Variants in USH1C observed in about 807,000 individuals in gnomAD.
USH1C encodes the protein harmonin.
USH1C carries 90 observed loss-of-function variants against 119.3 expected under a neutral mutation model. The observed-to-expected ratio is 0.75, with a 90% CI of 0.64 to 0.90. The LOEUF is 0.90. Among genes scored for constraint, USH1C ranks in the 40% least tolerant of loss-of-function variants. The probability of loss-of-function intolerance (pLI) is 0.00; values close to 1 mark genes in which losing one functional copy is unlikely to be tolerated. For missense variants in USH1C, 1,165 were observed against 1,167.7 expected (o/e 1.00, Z 0.03); for synonymous variants, 465 against 443.3 (o/e 1.05, Z -0.62).
At chr11:17,521,283 G>T in intron 13 of USH1C, 63 bp downstream of exon 13, 1 of 1,564,250 alleles carries the variant, frequency 6.4e-7, no homozygotes, top group Non-Finnish European at 8.8e-7. Context: ...GCCTCTGGTT[G>T]GCCACACTCC....
chr11:17,495,774 G>A (rs906664236), intron 25 of USH1C, 97 bp from the exon 26 acceptor site: 1 of 1,335,452 alleles, frequency 7.5e-7, no homozygotes, highest in African/African-American at 1.4e-5. Context: ...TCCTGCCTCG[G>A]GTTCTGCCTA....
intron 14 of USH1C, chr11:17,517,602 G>T (rs2133853939): frequency 2.2e-6 from 2 of 890,162 alleles, no homozygotes; most frequent in Admixed American, 2.0e-5. Flanking sequence ...GAGGTCAGGG[G>T]CAGGGGACAG....
chr11:17,516,438 T>G (rs1850147812), intron 14 of USH1C, 148 bp from the exon 15 acceptor site: 1 of 793,216 alleles, frequency 1.3e-6, no homozygotes, highest in Admixed American at 2.0e-5. Flanking sequence ...CTGCACCCTC[T>G]GTCCAACTCG....
chr11:17,540,566 G>A (rs10741729), intron 1 of USH1C, among the ~76,000 whole-genome samples: 59,281 of 151,638 alleles, frequency 0.39, 11,654 homozygotes, highest in East Asian at 0.55. Flanking sequence ...TCTAGCAGGC[G>A]TCTCAAACTT....
At chr11:17,502,071 G>T in intron 20 of USH1C, 91 bp from the exon 21 acceptor site, 1 of 1,400,198 alleles carries the variant, frequency 7.1e-7, no homozygotes, top group Non-Finnish European at 9.9e-7. Context: ...CGGAATCCAA[G>T]GGTCAGAAGT....
chr11:17,515,022 A>AT (rs969368512), intron 15 of USH1C, among the ~76,000 whole-genome samples: 4 of 150,666 alleles, frequency 2.7e-5, no homozygotes, highest in Admixed American at 2.0e-4. Context: ...CTCCTTTATT[A>AT]TTTTTTTCAA....
chr11:17,539,833 C>CTT (rs34881002), intron 1 of USH1C, among the ~76,000 whole-genome samples: 73 of 126,188 alleles, frequency 5.8e-4, no homozygotes, highest in Middle Eastern at 3.9e-3. Flanking sequence ...CTTTCTTTTT[C>CTT]TTTTTTTTTT....
At chr11:17,529,960 A>G (rs1450272248) in intron 4 of USH1C, among the ~76,000 whole-genome samples, 1 of 152,128 alleles carries the variant, frequency 6.6e-6, no homozygotes, top group Non-Finnish European at 1.5e-5. Context: ...GGCGCTCATT[A>G]TGTGTTTTCT....
intron 18 of USH1C, among the ~76,000 whole-genome samples, chr11:17,508,295 T>A (rs1849728147): frequency 6.6e-6 from 1 of 152,056 alleles, no homozygotes; most frequent in Admixed American, 6.6e-5. Context: ...CCTCTGAGAG[T>A]CTCCCGCTGG....
intron 18 of USH1C, among the ~76,000 whole-genome samples, chr11:17,508,400 G>A (rs942039132): frequency 2.6e-5 from 4 of 152,094 alleles, no homozygotes; most frequent in Non-Finnish European, 4.4e-5. Flanking sequence ...TGCTCTCCAC[G>A]CAGGAACTCA....
rs967243071 is a variant in USH1C, at chr11:17,516,221, A to C, written c.1260+20T>G. The C allele has an allele frequency of 3.7e-6, 6 of 1,613,554 alleles. No individual in the cohort carries two copies. Among genetic ancestry groups the C allele is most frequent in the Admixed American group, 3.3e-5 (2 of 59,944 alleles). ...AGCAAACTAAGCAGCACACCAGCAC[A>C]GCACCCAACCCTGTCCTACCTTCCG... On this transcript the variant is annotated intron_variant, in intron 15 of 26. Coordinates refer to ENST00000005226, the MANE Select transcript of USH1C (RefSeq NM_153676.4).
At chr11:17,513,154 T>C (rs1183794015) in intron 15 of USH1C, among the ~76,000 whole-genome samples, 1 of 152,092 alleles carries the variant, frequency 6.6e-6, no homozygotes, top group African/African-American at 2.4e-5. Context: ...GTCTTCGAGG[T>C]CCTAGTTTTT....
At chr11:17,494,613 G>C (rs949464803) in intron 26 of USH1C, 3 of 594,362 alleles carry the variant, frequency 5.0e-6, no homozygotes, top group Non-Finnish European at 9.1e-6. Context: ...GGAGGAGACT[G>C]GGAGGAACAG....
Position 17,507,977 on chromosome 11 carries a change from T to C in USH1C, c.2013+1379A>G, listed in dbSNP as rs988531224. ...CCTGGGCAGCAGCTCATCCTTCAGA[T>C]GGCAAAGTCCTGGAAAGCACAGGCA... On this transcript the variant is annotated intron_variant, in intron 18 of 26. Transcript: ENST00000005226. Among the ~76,000 whole-genome samples, 12 of 152,334 alleles carry C rather than the reference T, an allele frequency of 7.9e-5. No homozygotes were observed. The South Asian group carries it at 1.5e-3, about 18-fold the overall frequency.
chr11:17,504,797 G>T, intron 19 of USH1C, 100 bp from the exon 20 acceptor site: 2 of 1,249,956 alleles, frequency 1.6e-6, no homozygotes, highest in Non-Finnish European at 2.3e-6. Flanking sequence ...TGGGGCTGCC[G>T]TGCCAATGTC....
intron 19 of USH1C, among the ~76,000 whole-genome samples, chr11:17,505,359 G>A (rs371432234): frequency 6.6e-6 from 1 of 152,266 alleles, no homozygotes; most frequent in East Asian, 1.9e-4. Context: ...AGATGGCAAC[G>A]AGGGTAACAG....
chr11:17,496,711 T>C, intron 25 of USH1C, 47 bp downstream of exon 25: 1 of 1,611,408 alleles, frequency 6.2e-7, no homozygotes, highest in Non-Finnish European at 8.5e-7. Context: ...GCTGAGATTC[T>C]GGAGAAGGAA....
chr11:17,501,247 G>A (rs1260115140), intron 22 of USH1C, 97 bp from the exon 23 acceptor site: 4 of 1,159,442 alleles, frequency 3.4e-6, no homozygotes, highest in African/African-American at 1.5e-5. Flanking sequence ...CAGTAAGAGT[G>A]GAAGAAGCCA....
At chr11:17,522,362 CTGAG>C (rs1396865631) in intron 12 of USH1C, among the ~76,000 whole-genome samples, 2 of 152,124 alleles carry the variant, frequency 1.3e-5, no homozygotes, top group Non-Finnish European at 2.9e-5. Flanking sequence ...CTTCACCTCT[CTGAG>C]TGTCAGTCTC....
Sources: allele counts gnomAD v4.1 joint callset (sites outside exome capture counted in the v4.1 genomes callset), GRCh38; gene constraint gnomAD v4.1.1; transcripts MANE v1.5; gene names NCBI Gene and HGNC (gene_info 2026-07-23, HGNC 2026-07-21).